Variants in SPIRE2 observed in about 807,000 individuals in gnomAD.
SPIRE2 encodes the protein spire type actin nucleation factor 2, also known as protein spire homolog 2.
In SPIRE2, 76 loss-of-function variants were observed where a neutral mutation model predicts 80.7. The ratio of observed to expected loss-of-function variants is 0.94; its 90% CI spans 0.78 to 1.14. The LOEUF (loss-of-function observed/expected upper bound fraction) is 1.14. Among genes scored for constraint, SPIRE2 ranks in the 50% most tolerant of loss-of-function variants. The pLI, the probability that SPIRE2 is intolerant of heterozygous loss-of-function variation, is 0.00. For synonymous variants in SPIRE2, 535 were observed against 432.6 expected (o/e 1.24, Z -2.94); for missense variants, 1,196 against 1,015.3 (o/e 1.18, Z -2.42).
chr16:89,870,277 C>T lies in SPIRE2; in HGVS notation c.*5C>T. The T allele has an allele frequency of 6.3e-7, 1 of 1,581,928 alleles. No homozygotes were observed. The highest frequency in any genetic ancestry group is 8.6e-7 in the Non-Finnish European group (1 of 1,163,496). ...AGGACTCTTGACTTCAAGTGACAGC[C>T]CCAGGTGGCCAGGCCTCCAGGAGGC... is the stretch of plus-strand genomic sequence containing the variant. On this transcript the variant is annotated 3_prime_UTR_variant, in exon 15 of 15. Transcript: ENST00000378247.
At chr16:89,849,163 C>G (rs2041596127) in intron 2 of SPIRE2, among the ~76,000 whole-genome samples, 1 of 152,228 alleles carries the variant, frequency 6.6e-6, no homozygotes, top group Non-Finnish European at 1.5e-5. Context: ...GGCCAAAGGG[C>G]CCCCCTGCAG....
At chr16:89,843,100 G>T (rs897524770) in intron 1 of SPIRE2, among the ~76,000 whole-genome samples, 1 of 152,176 alleles carries the variant, frequency 6.6e-6, no homozygotes, top group African/African-American at 2.4e-5. Context: ...TGCATGCCCA[G>T]TTCAAGGAAG....
chr16:89,857,768 C>G (rs2041704516), intron 7 of SPIRE2, among the ~76,000 whole-genome samples: 1 of 151,806 alleles, frequency 6.6e-6, no homozygotes, highest in Non-Finnish European at 1.5e-5. Flanking sequence ...CGGGGTTTCT[C>G]CATGTTGGTC....
In SPIRE2 at chr16:89,828,660, A is replaced by G; in HGVS notation, c.110A>G (p.Glu37Gly). 7.3e-7 allele frequency: 1 copy of G among 1,375,266 alleles called. No individual in the cohort carries two copies. Among genetic ancestry groups the G allele is most frequent in the Non-Finnish European group, 9.5e-7 (1 of 1,054,262 alleles). The allele number at this position is 1,375,266 out of a possible 1,614,324, so 85.2% of individuals were successfully genotyped here. ...AAGGCCTACGAGCAGCCGCTCAACG[A>G]GGAGCAGGCGTGGGCCGTGTGCTTC... is the stretch of plus-strand genomic sequence containing the variant. ...VLKAYEQPLN[E>G]EQAWAVCFQG... The change falls in exon 1 of 15, where the codon GAG (glutamate) becomes GGG (glycine). Residue 37 changes from glutamate to glycine, a missense_variant. Glu to Gly is a moderately conservative substitution (Grantham distance 98, BLOSUM62 -2). Coordinates refer to ENST00000378247, the MANE Select transcript of SPIRE2 (RefSeq NM_032451.2). The surrounding 1 kb of genome is among the most constrained non-coding windows in gnomAD (Gnocchi z 5.9).
chr16:89,835,658 T>C lies in SPIRE2; in HGVS notation c.244+6864T>C, dbSNP rs558207528. Among the ~76,000 whole-genome samples, 178 of 152,242 alleles carry C rather than the reference T, an allele frequency of 1.2e-3. 1 individual carries two copies. Among genetic ancestry groups the C allele is most frequent in the Non-Finnish European group, 2.0e-3 (138 of 68,008 alleles). ...TTCACTCTGACTCCTCAGAGGGCAT[T>C]GGGACTCCAGATAAGGTTGAGGCCC... On this transcript the variant is annotated intron_variant, in intron 1 of 14. Transcript: ENST00000378247.
chr16:89,854,306 G>A lies in SPIRE2; in HGVS notation c.666G>A (p.Glu222=). 1.2e-6 allele frequency: 2 copies of A among 1,612,274 alleles called. No homozygotes were observed. The highest frequency in any genetic ancestry group is 2.2e-5 in the East Asian group (1 of 44,848). Residue 222 remains glutamate (E), a synonymous_variant, in exon 4 of 15, where the codon GAG becomes GAA. Coordinates refer to ENST00000378247, the MANE Select transcript of SPIRE2 (RefSeq NM_032451.2). ...CACAGATGCTGCAGAAGCTTCGGGAGGACGAGCCGCATCTGGAGACGCCTC... is the reference window on the plus strand; with the variant it reads ...CACAGATGCTGCAGAAGCTTCGGGAAGACGAGCCGCATCTGGAGACGCCTC... The part of the protein sequence containing the change: ...EAKEMLQKLR[E]DEPHLETPRA...
chr16:89,859,384 C>T (rs772565862), intron 9 of SPIRE2, 30 bp downstream of exon 9: 1 of 1,377,542 alleles, frequency 7.3e-7, no homozygotes, highest in East Asian at 2.7e-5. Context: ...CCCGTACCCT[C>T]CTTCGCCCCC....
At chr16:89,831,068 C>G (rs1446110124) in intron 1 of SPIRE2, among the ~76,000 whole-genome samples, 1 of 150,456 alleles carries the variant, frequency 6.6e-6, no homozygotes, top group African/African-American at 2.4e-5. Context: ...CGCCACCACG[C>G]CCGGCTAATT....
chr16:89,843,926 C>T (rs2041532064), intron 1 of SPIRE2, among the ~76,000 whole-genome samples: 1 of 146,168 alleles, frequency 6.8e-6, no homozygotes, highest in Non-Finnish European at 1.5e-5. Context: ...GTCTCAAACT[C>T]CTAATCTTAA....
intron 2 of SPIRE2, chr16:89,845,908 T>C (rs1021497548): frequency 2.1e-6 from 1 of 487,268 alleles, no homozygotes; most frequent in Non-Finnish European, 3.6e-6. Flanking sequence ...TTTTATTTTA[T>C]TGTTTTGAGA....
rs368820313 is a variant in SPIRE2, at chr16:89,870,186, G to A, written c.2059G>A (p.Val687Met). The change falls in exon 15 of 15, where the codon GTG becomes ATG. Residue 687 changes from valine to methionine, a missense_variant. By Grantham distance (21) the Val-to-Met change is conservative. Transcript: ENST00000378247. ...ADVVRSSRKS[V>M]DVLNTTPRRS... is the part of the protein sequence containing the mutation. ...CGTGGTGCGTTCCAGCCGCAAGAGCGTGGACGTCCTCAACACTACGCCACG... is the reference window on the plus strand; with the variant it reads ...CGTGGTGCGTTCCAGCCGCAAGAGCATGGACGTCCTCAACACTACGCCACG... 5.8e-5 allele frequency: 93 copies of A among 1,610,216 alleles called. No homozygotes were observed. The highest frequency in any genetic ancestry group is 8.0e-5 in the African/African-American group (6 of 74,854).
chr16:89,858,340 T>A lies in SPIRE2; in HGVS notation c.1105T>A (p.Phe369Ile). ...VRGEGWAARG[F>I]GSLPCILNAC... is the part of the protein sequence containing the mutation. ...TGCCTCGGCTCCCGTCTCCCCAGGG[T>A]TTGGCTCTCTGCCCTGCATCCTCAA... The change falls in exon 8 of 15, where the codon TTT (phenylalanine) becomes ATT (isoleucine). Residue 369 changes from phenylalanine (F) to isoleucine (I), a missense_variant and splice_region_variant. Phe to Ile is a conservative substitution (Grantham distance 21, BLOSUM62 0). Transcript: ENST00000378247. The A allele has an allele frequency of 1.3e-6, 2 of 1,595,484 alleles. No homozygotes were observed. Among genetic ancestry groups the A allele is most frequent in the Non-Finnish European group, 1.7e-6 (2 of 1,171,348 alleles).
At chr16:89,861,316 G>A (rs1398129369) in intron 10 of SPIRE2, among the ~76,000 whole-genome samples, 4 of 152,218 alleles carry the variant, frequency 2.6e-5, no homozygotes, top group Non-Finnish European at 4.4e-5. Context: ...CGTGGGCCAC[G>A]GTGGCAGCAT....
chr16:89,842,998 T>C, intron 1 of SPIRE2, among the ~76,000 whole-genome samples: 1 of 152,250 alleles, frequency 6.6e-6, no homozygotes, highest in Non-Finnish European at 1.5e-5. Flanking sequence ...GCAGATGATT[T>C]CATGGCTTAG....
intron 7 of SPIRE2, among the ~76,000 whole-genome samples, chr16:89,858,046 C>G (rs557281609): frequency 6.6e-6 from 1 of 152,098 alleles, no homozygotes; most frequent in Admixed American, 6.5e-5. Context: ...CCACGCCTGG[C>G]TAATTTTTTT....
Position 89,855,631 on chromosome 16 carries a change from A to G in SPIRE2, c.923A>G (p.Lys308Arg), listed in dbSNP as rs770757971. ...GGGGACATCCCGCCCCGGGTGAAGA[A>G]GGACGCTCACGAGCTCATCCTGGAC... The part of the protein sequence containing the change: ...VDGDIPPRVK[K>R]DAHELILDFI... Residue 308 changes from lysine to arginine, a missense_variant, in exon 6 of 15, where the codon AAG (lysine) becomes AGG (arginine). Transcript: ENST00000378247. 2 of 1,612,746 alleles carry G rather than the reference A, an allele frequency of 1.2e-6. No homozygotes were observed. Among genetic ancestry groups the G allele is most frequent in the Admixed American group, 1.7e-5 (1 of 59,992 alleles).
At chr16:89,861,461 C>T (rs918224551) in intron 10 of SPIRE2, among the ~76,000 whole-genome samples, 2 of 152,234 alleles carry the variant, frequency 1.3e-5, no homozygotes, top group Non-Finnish European at 2.9e-5. Context: ...CTGTGCGTAT[C>T]CCCACCGAAA....
chr16:89,858,499 A>T lies in SPIRE2; in HGVS notation c.1264A>T (p.Thr422Ser). ...CTTGGCTGAAATGGAAGAGATGAAT[A>T]CATCTGAGGTCAGAACCCATGGGGA... Reference protein sequence around the residue: ...PTLAEMEEMNTSEEEESPCGE... With the variant: ...PTLAEMEEMNSSEEEESPCGE... Residue 422 changes from threonine to serine, a missense_variant, in exon 8 of 15, where the codon ACA becomes TCA. Thr to Ser is a moderately conservative substitution (Grantham distance 58, BLOSUM62 1). Coordinates refer to ENST00000378247, the MANE Select transcript of SPIRE2 (RefSeq NM_032451.2). 1 of 1,594,378 alleles carries T rather than the reference A, an allele frequency of 6.3e-7. No individual in the cohort carries two copies. The highest frequency in any genetic ancestry group is 8.5e-7 in the Non-Finnish European group (1 of 1,171,238).
At chr16:89,860,870 G>A in intron 10 of SPIRE2, 75 bp downstream of exon 10, 1 of 967,330 alleles carries the variant, frequency 1.0e-6, no homozygotes, top group Non-Finnish European at 1.5e-6. Context: ...CGCCAGCCAG[G>A]TCTGGGAGAT....
Sources: gnomAD v4.1 joint callset for allele counts (sites outside exome capture counted in the v4.1 genomes callset) on GRCh38, gnomAD v4.1.1 for gene constraint, Gnocchi (gnomAD v3.1) non-coding constraint, MANE v1.5 for transcripts, NCBI Gene and HGNC (gene_info 2026-07-23, HGNC 2026-07-21) for gene names.